The following MFNG variants were observed in gnomAD, a reference collection of about 807,000 sequenced individuals.
The protein encoded by MFNG is MFNG O-fucosylpeptide 3-beta-N-acetylglucosaminyltransferase.
In MFNG, 24 loss-of-function variants were observed where a neutral mutation model predicts 34.2. That is an observed-to-expected ratio of 0.70 (90% CI 0.51 to 0.99). MFNG has a LOEUF of 0.99. Among genes scored for constraint, MFNG ranks in the 50% least tolerant of loss-of-function variants. The probability of loss-of-function intolerance (pLI) is 0.00; values close to 1 mark genes in which losing one functional copy is unlikely to be tolerated. For missense variants in MFNG, 383 were observed against 424.0 expected (o/e 0.90, Z 0.85); for synonymous variants, 158 against 179.2 (o/e 0.88, Z 0.94).
rs920990374 is a variant in MFNG at position 37,482,371 on chromosome 22, T to C, written c.256-1602A>G. ...GGCCACCTGGCCACCCTGCCTGATGTAGTCTGATCTCATTACTTCCTGTCC... is the reference window on the plus strand; with the variant it reads ...GGCCACCTGGCCACCCTGCCTGATGCAGTCTGATCTCATTACTTCCTGTCC... On this transcript the variant is annotated intron_variant, in intron 1 of 7. Transcript: ENST00000356998. The surrounding 1 kb of genome is among the most constrained non-coding windows in gnomAD (Gnocchi z 4.1). 7.9e-5 allele frequency among the ~76,000 whole-genome samples: 12 copies of C among 152,154 alleles called. No individual in the cohort carries two copies. The highest frequency in any genetic ancestry group is 2.4e-4 in the African/African-American group (10 of 41,422).
intron 7 of MFNG, among the ~76,000 whole-genome samples, chr22:37,471,452 G>C (rs1403838726): frequency 2.6e-5 from 4 of 152,178 alleles, no homozygotes; most frequent in African/African-American, 9.6e-5. Flanking sequence ...ATCAGTTCTG[G>C]GGTTGGACTG....
chr22:37,478,670 G>A (rs1922147320), intron 4 of MFNG, among the ~76,000 whole-genome samples: 1 of 150,132 alleles, frequency 6.7e-6, no homozygotes, highest in African/African-American at 2.5e-5. Flanking sequence ...ACAGTATTCA[G>A]CAATTTTTTT....
chr22:37,485,767 G>A lies in MFNG; in HGVS notation c.255+156C>T. ...GGCAGGGCCGCAGGCAGCCCCTAAA[G>A]CCCGGAAGAAGGAGAGAGGAAGAGG... On this transcript the variant is annotated intron_variant, in intron 1 of 7. Transcript: ENST00000356998. This position sits in a 1 kb window ranked among gnomAD's most constrained non-coding sequence, Gnocchi z 5.3. 1 of 1,006,464 alleles carries A rather than the reference G, an allele frequency of 9.9e-7. No homozygotes were observed. The highest frequency in any genetic ancestry group is 1.8e-5 in the South Asian group (1 of 56,662). 62.3% of individuals were successfully genotyped at this position (1,006,464 alleles called of 1,614,324 possible).
At chr22:37,470,961 G>T (rs868397079) in intron 7 of MFNG, among the ~76,000 whole-genome samples, 3 of 152,256 alleles carry the variant, frequency 2.0e-5, no homozygotes, top group African/African-American at 4.8e-5. Context: ...TCTTCTCCTA[G>T]CGAACTCCTG....
intron 5 of MFNG, among the ~76,000 whole-genome samples, chr22:37,475,471 A>C (rs1174393675): frequency 1.3e-5 from 2 of 152,060 alleles, no homozygotes; most frequent in East Asian, 3.9e-4. Flanking sequence ...TGAGTCACCC[A>C]CCTCAGCCTC....
Position 37,469,937 on chromosome 22 carries a change from C to T in MFNG, c.*26G>A, listed in dbSNP as rs559707662. On this transcript the variant is annotated 3_prime_UTR_variant, in exon 8 of 8. Transcript: ENST00000356998. ...CCAAGGCACACCCAGAAGTCTCTGC[C>T]CAACCTTTGCCCAGCAGTTCAGGAT... 18 of 1,577,052 alleles carry T rather than the reference C, an allele frequency of 1.1e-5. No individual in the cohort carries two copies. Among genetic ancestry groups the T allele is most frequent in the East Asian group, 2.3e-5 (1 of 43,206 alleles).
At chr22:37,477,099 C>T (rs1922077953) in intron 4 of MFNG, 118 bp from the exon 5 acceptor site, 1 of 808,274 alleles carries the variant, frequency 1.2e-6, no homozygotes, top group Non-Finnish European at 2.1e-6. Context: ...TATTTTGAAT[C>T]TCACTAGAGT....
intron 4 of MFNG, 63 bp from the exon 5 acceptor site, chr22:37,477,044 G>A: frequency 7.0e-7 from 1 of 1,418,558 alleles, no homozygotes; most frequent in South Asian, 1.2e-5. Context: ...AAAAGGGACA[G>A]CCAGGCCACC....
At position 37,486,329 on chromosome 22, in the gene MFNG, C is replaced by A; in HGVS notation, c.-152G>T. 1.3e-6 allele frequency: 1 copy of A among 792,096 alleles called. No homozygotes were observed. The highest frequency in any genetic ancestry group is 1.8e-6 in the Non-Finnish European group (1 of 552,030). 49.1% of individuals were successfully genotyped at this position (792,096 alleles called of 1,614,324 possible). On this transcript the variant is annotated 5_prime_UTR_variant, in exon 1 of 8. Transcript: ENST00000356998. ...AAGAGGTAGGAGCTGAGGCTCTGGACCCAGAGGCTGAGCCATGGCAGCACG... is the reference window on the plus strand; with the variant it reads ...AAGAGGTAGGAGCTGAGGCTCTGGAACCAGAGGCTGAGCCATGGCAGCACG...
rs955011195 is a variant in MFNG at position 37,474,453 on chromosome 22, G to T, written c.813+59C>A. ...AAACGCCAGGAGGGAGGGTTGGGGG[G>T]ACCCCATGTTCCTTTGGTTCCCCTT... On this transcript the variant is annotated intron_variant, in intron 6 of 7. Coordinates refer to ENST00000356998, the MANE Select transcript of MFNG (RefSeq NM_002405.4). 8 of 1,583,868 alleles carry T rather than the reference G, an allele frequency of 5.1e-6. No homozygotes were observed. The African/African-American group carries it at 1.1e-4, about 21-fold the overall frequency.
chr22:37,476,881 T>C lies in MFNG; in HGVS notation c.647+15A>G. ...CCCTCCCCGCCTTCCTGCCCACCCC[T>C]GGGTCTCTGCTTACCTGGCCCACGG... On this transcript the variant is annotated intron_variant, in intron 5 of 7. Transcript: ENST00000356998. The C allele has an allele frequency of 8.7e-7, 1 of 1,148,846 alleles. No homozygotes were observed. The highest frequency in any genetic ancestry group is 1.9e-5 in the Admixed American group (1 of 53,052). 71.2% of individuals were successfully genotyped at this position (1,148,846 alleles called of 1,614,324 possible).
Position 37,482,394 on chromosome 22 carries a change from T to C in MFNG, c.256-1625A>G, listed in dbSNP as rs116900636. Among the ~76,000 whole-genome samples, 1,572 of 152,188 alleles carry C rather than the reference T, an allele frequency of 0.01. 13 individuals are homozygous for C. Among genetic ancestry groups the C allele is most frequent in the South Asian group, 0.038 (182 of 4,822 alleles). On this transcript the variant is annotated intron_variant, in intron 1 of 7. Transcript: ENST00000356998. The surrounding 1 kb of genome is among the most constrained non-coding windows in gnomAD (Gnocchi z 4.1). The stretch of plus-strand genomic sequence containing the variant: ...TGTAGTCTGATCTCATTACTTCCTG[T>C]CCACCCCTGGGGCTTCTCTCTCTGT...
In MFNG at chr22:37,486,135, T is replaced by G; in HGVS notation, c.43A>C (p.Thr15Pro). The change falls in exon 1 of 8, where the codon ACC (threonine) becomes CCC (proline). Residue 15 changes from threonine to proline, a missense_variant. Transcript: ENST00000356998. Reference protein sequence around the residue: ...LPRGLAGALLTLLCMGLLCLR... With the variant: ...LPRGLAGALLPLLCMGLLCLR... The stretch of plus-strand genomic sequence containing the variant: ...CACAGGAGCCCCATGCACAGGAGGG[T>G]GAGGAGGGCTCCAGCCAGGCCCCGC... 1 of 1,599,738 alleles carries G rather than the reference T, an allele frequency of 6.3e-7. No homozygotes were observed. The highest frequency in any genetic ancestry group is 8.5e-7 in the Non-Finnish European group (1 of 1,170,190).
At position 37,474,458 on chromosome 22, in the gene MFNG, C is replaced by T. The variant is rs548033651; in HGVS notation, c.813+54G>A. On this transcript the variant is annotated intron_variant, in intron 6 of 7. Transcript: ENST00000356998. ...CCAGGAGGGAGGGTTGGGGGGACCC[C>T]ATGTTCCTTTGGTTCCCCTTCCCAT... 4.4e-6 allele frequency: 7 copies of T among 1,592,994 alleles called. No individual in the cohort carries two copies. The East Asian group carries it at 1.6e-4, about 36-fold the overall frequency.
Position 37,485,258 on chromosome 22 carries a change from C to T in MFNG, c.255+665G>A, listed in dbSNP as rs891486086. Among the ~76,000 whole-genome samples the T allele has an allele frequency of 9.9e-5, 15 of 152,174 alleles. No homozygotes were observed. Among genetic ancestry groups the T allele is most frequent in the African/African-American group, 2.7e-4 (11 of 41,440 alleles). ...ACCTCCGGCCCACCACTGCCTCAGCCGCCACCCTCGTGGCATGCGCTCTCC... is the reference window on the plus strand; with the variant it reads ...ACCTCCGGCCCACCACTGCCTCAGCTGCCACCCTCGTGGCATGCGCTCTCC... On this transcript the variant is annotated intron_variant, in intron 1 of 7. Transcript: ENST00000356998. The surrounding 1 kb of genome is among the most constrained non-coding windows in gnomAD (Gnocchi z 5.3).
intron 7 of MFNG, among the ~76,000 whole-genome samples, chr22:37,470,931 G>A (rs1456155800): frequency 7.9e-5 from 12 of 152,244 alleles, no homozygotes; most frequent in South Asian, 2.1e-4. Flanking sequence ...TCCCCTCTGC[G>A]GGAGTGATCT....
intron 1 of MFNG, among the ~76,000 whole-genome samples, chr22:37,481,998 G>T (rs1158656094): frequency 6.6e-6 from 1 of 152,240 alleles, no homozygotes; most frequent in Non-Finnish European, 1.5e-5. Context: ...AAACAAGATT[G>T]TGTGTAAAAG....
chr22:37,472,954 A>T (rs1921876270), intron 6 of MFNG, among the ~76,000 whole-genome samples: 1 of 152,170 alleles, frequency 6.6e-6, no homozygotes, highest in Non-Finnish European at 1.5e-5. Flanking sequence ...ATTTCAGCTC[A>T]GAGGCTGTAG....
At chr22:37,472,585 G>T in intron 6 of MFNG, 57 bp from the exon 7 acceptor site, 1 of 1,465,134 alleles carries the variant, frequency 6.8e-7, no homozygotes, top group Non-Finnish European at 9.3e-7. Flanking sequence ...CCACAAGGGG[G>T]CAGCATCCTG....
Sources: gnomAD v4.1 joint callset for allele counts (sites outside exome capture counted in the v4.1 genomes callset) on GRCh38, gnomAD v4.1.1 for gene constraint, Gnocchi (gnomAD v3.1) non-coding constraint, MANE v1.5 for transcripts, NCBI Gene and HGNC (gene_info 2026-07-23, HGNC 2026-07-21) for gene names.